The following PRKCA variants were observed in gnomAD, a reference collection of about 807,000 sequenced individuals.
PRKCA encodes the protein protein kinase C alpha type.
In PRKCA, 27 loss-of-function variants were observed where a neutral mutation model predicts 87.0. The observed-to-expected ratio is 0.31, with a 90% CI of 0.23 to 0.43. The LOEUF (loss-of-function observed/expected upper bound fraction) is 0.43, where lower values mean the gene tolerates loss of function less well. PRKCA is among the 20% of genes least tolerant of loss of function. The probability of loss-of-function intolerance (pLI) is 1.00; values close to 1 mark genes in which losing one functional copy is unlikely to be tolerated. For synonymous variants in PRKCA, 329 were observed against 311.1 expected (o/e 1.06, Z -0.61); for missense variants, 518 against 852.3 (o/e 0.61, Z 4.88).
intron 8 of PRKCA, among the ~76,000 whole-genome samples, chr17:66,707,474 G>A (rs774819230): frequency 3.4e-4 from 52 of 152,162 alleles, no homozygotes; most frequent in Non-Finnish European, 5.1e-4. Flanking sequence ...CTTCAGGGGA[G>A]AGGCCATTTT....
intron 2 of PRKCA, among the ~76,000 whole-genome samples, chr17:66,349,471 C>A (rs192625653): frequency 1.0e-3 from 152 of 151,828 alleles, no homozygotes; most frequent in African/African-American, 3.5e-3. Context: ...TGGAGCTGTT[C>A]CGCAGTAGAG....
intron 3 of PRKCA, among the ~76,000 whole-genome samples, chr17:66,593,371 G>T (rs905537151): frequency 2.6e-5 from 4 of 152,160 alleles, no homozygotes; most frequent in Non-Finnish European, 4.4e-5. Flanking sequence ...TACTGTGTGT[G>T]CATGGAAGTG....
intron 2 of PRKCA, among the ~76,000 whole-genome samples, chr17:66,417,204 CTTTT>C (rs537292524): frequency 6.9e-6 from 1 of 144,558 alleles, no homozygotes; most frequent in African/African-American, 2.5e-5. Flanking sequence ...CCAGCCTGGC[CTTTT>C]TTTTTTTTAA....
intron 4 of PRKCA, among the ~76,000 whole-genome samples, chr17:66,642,541 G>A (rs766898026): frequency 2.0e-5 from 3 of 152,084 alleles, no homozygotes; most frequent in Admixed American, 1.3e-4. Flanking sequence ...CTAATAGATC[G>A]GGAACCACTG....
At chr17:66,704,394 A>T (rs994015184) in intron 8 of PRKCA, among the ~76,000 whole-genome samples, 2 of 152,230 alleles carry the variant, frequency 1.3e-5, no homozygotes, top group Non-Finnish European at 2.9e-5. Context: ...GCTTATAGTT[A>T]TCTGTACATA....
chr17:66,325,616 G>A (rs1905934697), intron 2 of PRKCA, among the ~76,000 whole-genome samples: 1 of 152,176 alleles, frequency 6.6e-6, no homozygotes, highest in African/African-American at 2.4e-5. Flanking sequence ...CCACAGGAGA[G>A]AAAGTCATGT....
chr17:66,535,923 A>G (rs999051184), intron 3 of PRKCA, among the ~76,000 whole-genome samples: 5 of 152,154 alleles, frequency 3.3e-5, no homozygotes, highest in African/African-American at 1.2e-4. Flanking sequence ...TCAAAACAGC[A>G]TCATGCCTGG....
chr17:66,649,399 A>G (rs565755252), intron 5 of PRKCA, among the ~76,000 whole-genome samples: 17 of 152,350 alleles, frequency 1.1e-4, no homozygotes, highest in Admixed American at 3.9e-4. Flanking sequence ...TGTTCATAGG[A>G]CTGGACCTTT....
intron 3 of PRKCA, among the ~76,000 whole-genome samples, chr17:66,508,774 G>A (rs1197656117): frequency 1.3e-5 from 2 of 152,090 alleles, no homozygotes; most frequent in Admixed American, 6.5e-5. Flanking sequence ...GCTGTGAGTT[G>A]GTCTTACTGA....
At position 66,346,319 on chromosome 17, in the gene PRKCA, G is replaced by A. The variant is rs140794522; in HGVS notation, c.205+40192G>A. ...TCACCGTGTTAGCTAGGATGGTCTC[G>A]ATCTCCTGACCTAGTGATCTGCCCA... On this transcript the variant is annotated intron_variant, in intron 2 of 16. Transcript: ENST00000413366. Among the ~76,000 whole-genome samples the A allele has an allele frequency of 4.7e-3, 715 of 151,588 alleles. 3 individuals carry two copies. Among genetic ancestry groups the A allele is most frequent in the Middle Eastern group, 0.014 (4 of 294 alleles).
intron 2 of PRKCA, among the ~76,000 whole-genome samples, chr17:66,370,655 A>G (rs540071519): frequency 5.3e-5 from 8 of 150,500 alleles, no homozygotes; most frequent in Non-Finnish European, 1.2e-4. Flanking sequence ...GGCTCAAGCA[A>G]TCCTTCCACC....
At chr17:66,467,894 A>T (rs924042055) in intron 2 of PRKCA, among the ~76,000 whole-genome samples, 4 of 152,128 alleles carry the variant, frequency 2.6e-5, no homozygotes, top group African/African-American at 7.2e-5. Context: ...AAAAATTAAA[A>T]AAAAAAACAA....
At chr17:66,517,128 A>G (rs146565334) in intron 3 of PRKCA, among the ~76,000 whole-genome samples, 2,970 of 152,188 alleles carry the variant, frequency 0.02, 97 homozygotes, top group African/African-American at 0.067. Flanking sequence ...TGCTAAAAAT[A>G]CAAAAATTAG....
chr17:66,672,186 G>A (rs912350015), intron 5 of PRKCA, among the ~76,000 whole-genome samples: 1 of 152,164 alleles, frequency 6.6e-6, no homozygotes, highest in African/African-American at 2.4e-5. Context: ...TAGAAGAATG[G>A]TGACATGTAA....
intron 2 of PRKCA, among the ~76,000 whole-genome samples, chr17:66,326,300 T>G (rs942572914): frequency 2.0e-5 from 3 of 152,248 alleles, no homozygotes; most frequent in African/African-American, 7.2e-5. Context: ...TCTCCGTGGG[T>G]TTGCATATCT....
chr17:66,427,640 A>G (rs897026310), intron 2 of PRKCA, among the ~76,000 whole-genome samples: 1 of 152,202 alleles, frequency 6.6e-6, no homozygotes, highest in African/African-American at 2.4e-5. Flanking sequence ...TGCTGTCAGG[A>G]CTGAAGATGT....
chr17:66,595,456 T>TTTC (rs1197178343), intron 3 of PRKCA, among the ~76,000 whole-genome samples: 1 of 123,734 alleles, frequency 8.1e-6, no homozygotes, highest in African/African-American at 3.3e-5. Context: ...TTTATTTTCT[T>TTTC]TTCCTTCTTT....
At chr17:66,596,361 C>G (rs147871307) in intron 3 of PRKCA, among the ~76,000 whole-genome samples, 1 of 152,056 alleles carries the variant, frequency 6.6e-6, no homozygotes, top group Non-Finnish European at 1.5e-5. Context: ...CAATTGGATG[C>G]GTTTTTCCTT....
intron 16 of PRKCA, among the ~76,000 whole-genome samples, chr17:66,795,784 A>C (rs902667198): frequency 2.6e-5 from 4 of 152,216 alleles, no homozygotes; most frequent in African/African-American, 9.6e-5. Flanking sequence ...TAAATCCTCT[A>C]AATCTGGCCA....
Sources: gnomAD v4.1 joint callset for allele counts (sites outside exome capture counted in the v4.1 genomes callset) on GRCh38, gnomAD v4.1.1 for gene constraint, MANE v1.5 for transcripts, NCBI Gene and HGNC (gene_info 2026-07-23, HGNC 2026-07-21) for gene names.